Variants in PLCB1 observed in about 807,000 individuals in gnomAD.
PLCB1 encodes the protein 1-phosphatidylinositol 4,5-bisphosphate phosphodiesterase beta-1.
A neutral mutation model predicts 161.8 loss-of-function variants in PLCB1; 46 were observed. The ratio of observed to expected loss-of-function variants is 0.28; its 90% CI spans 0.22 to 0.36. The LOEUF is 0.36. Ranked by LOEUF, PLCB1 falls within the 10% of genes least tolerant of loss-of-function variation. The pLI is 1.00. For missense variants in PLCB1, 1,016 were observed against 1,472.5 expected, an observed-to-expected ratio of 0.69 and a Z score of 5.07; for synonymous variants, 517 against 503.7, an observed-to-expected ratio of 1.03 and a Z score of -0.35.
intron 13 of PLCB1, 138 bp downstream of exon 13, chr20:8,716,486 G>A (rs1979318443): frequency 1.4e-6 from 1 of 699,888 alleles, no homozygotes; most frequent in Non-Finnish European, 2.6e-6. Flanking sequence ...TTGACAAGGA[G>A]GATACCAGCA....
intron 4 of PLCB1, among the ~76,000 whole-genome samples, chr20:8,632,034 G>GTT (rs750797408): frequency 4.4e-4 from 36 of 81,744 alleles, no homozygotes; most frequent in Non-Finnish European, 7.4e-4. Flanking sequence ...GGTTTTTTTT[G>GTT]CTTTTTTTTT....
At chr20:8,641,007 G>A (rs1466744064) in intron 4 of PLCB1, among the ~76,000 whole-genome samples, 2 of 152,108 alleles carry the variant, frequency 1.3e-5, no homozygotes, top group East Asian at 3.9e-4. Context: ...TAGAGTATCA[G>A]GATACCATTT....
intron 4 of PLCB1, among the ~76,000 whole-genome samples, chr20:8,642,625 A>G (rs1358591654): frequency 1.3e-5 from 2 of 152,228 alleles, no homozygotes; most frequent in East Asian, 3.8e-4. Flanking sequence ...GGACCTTTAC[A>G]TGTCTCACCA....
intron 2 of PLCB1, among the ~76,000 whole-genome samples, chr20:8,203,385 T>A (rs1477982132): frequency 6.6e-6 from 1 of 152,110 alleles, no homozygotes; most frequent in Non-Finnish European, 1.5e-5. Context: ...ATGGAGAAAT[T>A]GTTTTATTTT....
chr20:8,793,543 GC>G (rs11476456), intron 31 of PLCB1, among the ~76,000 whole-genome samples: 98,424 of 151,770 alleles, frequency 0.65, 32,136 homozygotes, highest in East Asian at 0.85. Flanking sequence ...GATCCGTGAT[GC>G]CCCCACAAGC....
At chr20:8,177,900 G>A (rs1568579688) in intron 2 of PLCB1, among the ~76,000 whole-genome samples, 1 of 152,052 alleles carries the variant, frequency 6.6e-6, no homozygotes, top group Non-Finnish European at 1.5e-5. Flanking sequence ...GGACAGAAAT[G>A]TGTACTCAAT....
chr20:8,785,478 A>AC (rs750459167), intron 27 of PLCB1, among the ~76,000 whole-genome samples: 94 of 152,284 alleles, frequency 6.2e-4, no homozygotes, highest in Admixed American at 9.8e-4. Context: ...CTTAATAAAT[A>AC]TCCATTGCAT....
At chr20:8,425,452 A>T (rs1472089631) in intron 3 of PLCB1, among the ~76,000 whole-genome samples, 2 of 152,052 alleles carry the variant, frequency 1.3e-5, no homozygotes, top group East Asian at 3.9e-4. Flanking sequence ...AAAACTATAA[A>T]GTGCATCCAC....
At chr20:8,724,871 A>G in intron 16 of PLCB1, 119 bp downstream of exon 16, 2 of 619,530 alleles carry the variant, frequency 3.2e-6, no homozygotes, top group East Asian at 5.6e-5. Context: ...TTGAAGTCTT[A>G]AATATATGTA....
At chr20:8,870,663 G>T (rs1402877177) in intron 31 of PLCB1, among the ~76,000 whole-genome samples, 1 of 152,190 alleles carries the variant, frequency 6.6e-6, no homozygotes, top group Admixed American at 6.5e-5. Context: ...TCAGTATTTG[G>T]ATCTACTTAG....
chr20:8,141,640 A>G (rs1357357014), intron 1 of PLCB1, among the ~76,000 whole-genome samples: 3 of 147,224 alleles, frequency 2.0e-5, no homozygotes, highest in Non-Finnish European at 3.0e-5. Flanking sequence ...AAAAAAAAAA[A>G]AGGAGGGGGC....
chr20:8,481,674 G>A (rs990303702), intron 3 of PLCB1, among the ~76,000 whole-genome samples: 5 of 152,074 alleles, frequency 3.3e-5, no homozygotes, highest in Admixed American at 3.3e-4. Flanking sequence ...CTTTTGTATA[G>A]TAATTGTTCT....
chr20:8,766,014 C>T (rs978927720), intron 26 of PLCB1, among the ~76,000 whole-genome samples: 3 of 152,110 alleles, frequency 2.0e-5, no homozygotes, highest in African/African-American at 7.2e-5. Flanking sequence ...GCTTACTATC[C>T]TTTGCTACCC....
chr20:8,442,986 GT>G (rs962104017), intron 3 of PLCB1, among the ~76,000 whole-genome samples: 26 of 137,936 alleles, frequency 1.9e-4, no homozygotes, highest in East Asian at 4.2e-4. Context: ...TTTTTTTTTT[GT>G]TTTTTTTTTT....
chr20:8,618,247 A>G (rs1880284676), intron 3 of PLCB1, among the ~76,000 whole-genome samples: 1 of 152,222 alleles, frequency 6.6e-6, no homozygotes, highest in East Asian at 1.9e-4. Flanking sequence ...AAAATTAATC[A>G]GTGCAGGCCA....
intron 24 of PLCB1, among the ~76,000 whole-genome samples, chr20:8,759,376 T>G (rs1981899531): frequency 6.6e-6 from 1 of 152,224 alleles, no homozygotes; most frequent in Admixed American, 6.5e-5. Flanking sequence ...AGAGCTACTT[T>G]GAGACTATGC....
chr20:8,391,801 A>G lies in PLCB1; in HGVS notation c.246+20351A>G, dbSNP rs1223500698. Among the ~76,000 whole-genome samples the G allele has an allele frequency of 1.8e-3, 248 of 136,634 alleles. 6 individuals carry two copies. Among genetic ancestry groups the G allele is most frequent in the African/African-American group, 5.4e-3 (188 of 34,732 alleles). The allele number at this position is 136,634 out of a possible 152,430, so 89.6% of individuals were successfully genotyped here. On this transcript the variant is annotated intron_variant, in intron 3 of 31. Transcript: ENST00000338037. ...TATGTGTGTGTATATATATATATAT[A>G]TATATATATATATATATATATATAC... is the stretch of plus-strand genomic sequence containing the variant.
At chr20:8,411,368 T>G (rs1389408798) in intron 3 of PLCB1, among the ~76,000 whole-genome samples, 1 of 152,214 alleles carries the variant, frequency 6.6e-6, no homozygotes, top group African/African-American at 2.4e-5. Flanking sequence ...TCTTTACCTT[T>G]TTAAAAAATG....
chr20:8,495,429 G>A (rs565312145), intron 3 of PLCB1, among the ~76,000 whole-genome samples: 9 of 120,400 alleles, frequency 7.5e-5, no homozygotes, highest in Admixed American at 4.3e-4. Context: ...ACGGAGTCTC[G>A]CTGTGTCGCC....
Sources: allele counts gnomAD v4.1 joint callset (sites outside exome capture counted in the v4.1 genomes callset), GRCh38; gene constraint gnomAD v4.1.1; transcripts MANE v1.5; gene names NCBI Gene and HGNC (gene_info 2026-07-23, HGNC 2026-07-21).